MAGI1: variants seen among roughly 807,000 people sequenced by gnomAD.
The protein encoded by MAGI1 is membrane associated guanylate kinase, WW and PDZ domain containing 1.
MAGI1 carries 58 observed loss-of-function variants against 139.9 expected under a neutral mutation model. The ratio of observed to expected loss-of-function variants is 0.41; its 90% CI spans 0.34 to 0.52. The LOEUF (loss-of-function observed/expected upper bound fraction) is 0.52. Among genes scored for constraint, MAGI1 ranks in the 20% least tolerant of loss-of-function variants. The pLI, the probability that MAGI1 is intolerant of heterozygous loss-of-function variation, is 0.12. For missense variants in MAGI1, 1,874 were observed against 1,901.6 expected, an observed-to-expected ratio of 0.99 and a Z score of 0.27; for synonymous variants, 812 against 737.9, an observed-to-expected ratio of 1.10 and a Z score of -1.63.
chr3:66,034,204 T>C (rs1470151458), intron 1 of MAGI1, among the ~76,000 whole-genome samples: 1 of 122,572 alleles, frequency 8.2e-6, no homozygotes, highest in African/African-American at 3.1e-5. Flanking sequence ...AGAACTAAGG[T>C]GGGGCCCAGG....
At chr3:65,911,036 T>G (rs1217248055) in intron 1 of MAGI1, among the ~76,000 whole-genome samples, 1 of 151,466 alleles carries the variant, frequency 6.6e-6, no homozygotes, top group East Asian at 2.0e-4. Context: ...TTTTGTATTC[T>G]GAATAGAGAC....
rs1353023118 is a variant in MAGI1 at position 65,650,377 on chromosome 3, C to T, written c.314-28289G>A. 6.6e-5 allele frequency among the ~76,000 whole-genome samples: 10 copies of T among 152,202 alleles called. 1 individual carries two copies. The South Asian group carries it at 2.1e-3, about 32-fold the overall frequency. ...ATGAAAAATCATGCCCACACAAAAA[C>T]CTGTGCACACGTGTTTTTAGGATAG... is the stretch of plus-strand genomic sequence containing the variant. On this transcript the variant is annotated intron_variant, in intron 1 of 22. Transcript: ENST00000402939.
chr3:65,565,093 T>G (rs969654554), intron 2 of MAGI1, among the ~76,000 whole-genome samples: 4 of 152,192 alleles, frequency 2.6e-5, no homozygotes, highest in Non-Finnish European at 5.9e-5. Flanking sequence ...CACATCAGCA[T>G]ACACACGGGT....
At chr3:65,481,689 T>TG (rs1245974536) in intron 3 of MAGI1, among the ~76,000 whole-genome samples, 1 of 152,214 alleles carries the variant, frequency 6.6e-6, no homozygotes, top group African/African-American at 2.4e-5. Context: ...GCCATTAAAC[T>TG]GAAGTAGCAT....
intron 1 of MAGI1, among the ~76,000 whole-genome samples, chr3:65,759,861 T>C (rs1458003542): frequency 6.6e-6 from 1 of 152,132 alleles, no homozygotes; most frequent in Non-Finnish European, 1.5e-5. Flanking sequence ...ATTTGAGTGA[T>C]ATAGCACTGA....
intron 1 of MAGI1, among the ~76,000 whole-genome samples, chr3:65,935,051 G>C (rs75242918): frequency 0.029 from 4,357 of 152,194 alleles, 225 homozygotes; most frequent in African/African-American, 0.1. Flanking sequence ...AAAGCATAGG[G>C]AACTATTCGA....
At chr3:65,834,642 C>T (rs55822668) in intron 1 of MAGI1, among the ~76,000 whole-genome samples, 71,341 of 152,120 alleles carry the variant, frequency 0.47, 18,217 homozygotes, top group East Asian at 0.77. Context: ...ATTTTTCTCT[C>T]TAGTTGTTCT....
chr3:65,448,824 C>T (rs570886107), intron 6 of MAGI1, among the ~76,000 whole-genome samples: 39 of 151,976 alleles, frequency 2.6e-4, no homozygotes, highest in Non-Finnish European at 5.0e-4. Flanking sequence ...TTCTTGACCT[C>T]GTCCTCTTGC....
Position 65,939,615 on chromosome 3 carries a change from T to A in MAGI1, c.313+98381A>T, listed in dbSNP as rs968733713. ...TCTAAGTCATTAAGTAGGAGTGTCA[T>A]AGGCTATATAAAATACCAGCTCGTA... On this transcript the variant is annotated intron_variant, in intron 1 of 22. Transcript: ENST00000402939. Among the ~76,000 whole-genome samples, 14 of 152,288 alleles carry A rather than the reference T, an allele frequency of 9.2e-5. No individual in the cohort carries two copies. The East Asian group carries it at 2.3e-3, about 25-fold the overall frequency.
intron 1 of MAGI1, among the ~76,000 whole-genome samples, chr3:65,870,948 T>A (rs865998315): frequency 2.6e-5 from 4 of 151,282 alleles, no homozygotes; most frequent in Non-Finnish European, 4.4e-5. Flanking sequence ...AAGTACAAAA[T>A]TTTTTTTTGA....
intron 1 of MAGI1, among the ~76,000 whole-genome samples, chr3:65,710,700 G>T (rs552747127): frequency 6.6e-6 from 1 of 152,110 alleles, no homozygotes; most frequent in Non-Finnish European, 1.5e-5. Context: ...CATTCCACAC[G>T]TGAAGAAACT....
intron 2 of MAGI1, among the ~76,000 whole-genome samples, chr3:65,505,170 T>C (rs988644595): frequency 6.6e-6 from 1 of 152,198 alleles, no homozygotes; most frequent in Non-Finnish European, 1.5e-5. Context: ...AATAATACTT[T>C]CACTTTCTCT....
intron 1 of MAGI1, among the ~76,000 whole-genome samples, chr3:65,665,390 T>G (rs997896049): frequency 6.6e-6 from 1 of 152,090 alleles, no homozygotes; most frequent in African/African-American, 2.4e-5. Context: ...CAGGCTAAAT[T>G]TGTGGATTTG....
At chr3:65,453,396 G>T in intron 5 of MAGI1, 56 bp from the exon 6 acceptor site, 1 of 1,120,378 alleles carries the variant, frequency 8.9e-7, no homozygotes, top group Non-Finnish European at 1.3e-6. Flanking sequence ...AAAAAAGCAA[G>T]AAGCCCAATG....
chr3:65,413,823 G>A (rs894345164), intron 12 of MAGI1, among the ~76,000 whole-genome samples: 1 of 152,172 alleles, frequency 6.6e-6, no homozygotes, highest in Admixed American at 6.5e-5. Flanking sequence ...TCAATTAGAA[G>A]TAACTTTTAT....
chr3:65,387,120 A>G (rs1943510543), intron 14 of MAGI1: 6 of 1,598,998 alleles, frequency 3.8e-6, no homozygotes, highest in Non-Finnish European at 5.1e-6. Flanking sequence ...ACGGAGAGAC[A>G]AAAGTTTTCA....
chr3:66,009,412 A>C (rs958839890), intron 1 of MAGI1, among the ~76,000 whole-genome samples: 2 of 152,172 alleles, frequency 1.3e-5, no homozygotes, highest in Non-Finnish European at 2.9e-5. Context: ...CGGGAGGCTG[A>C]GGCAGGAGAA....
chr3:65,921,246 A>T (rs549544182), intron 1 of MAGI1, among the ~76,000 whole-genome samples: 2 of 152,130 alleles, frequency 1.3e-5, no homozygotes, highest in African/African-American at 4.8e-5. Flanking sequence ...AATGTATAAC[A>T]AAAAAAATTG....
intron 2 of MAGI1, among the ~76,000 whole-genome samples, chr3:65,566,793 GC>G (rs2080675712): frequency 6.6e-6 from 1 of 151,690 alleles, no homozygotes; most frequent in Non-Finnish European, 1.5e-5. Context: ...GTCAGAAGAG[GC>G]CCAGGACACT....
Sources: gnomAD v4.1 joint callset for allele counts (sites outside exome capture counted in the v4.1 genomes callset) on GRCh38, gnomAD v4.1.1 for gene constraint, MANE v1.5 for transcripts, NCBI Gene and HGNC (gene_info 2026-07-23, HGNC 2026-07-21) for gene names.